CDC45: variants seen among roughly 807,000 people sequenced by gnomAD.
CDC45 encodes the protein cell division cycle 45.
A neutral mutation model predicts 77.8 loss-of-function variants in CDC45; 54 were observed. The observed-to-expected ratio is 0.69, with a 90% CI of 0.56 to 0.87. CDC45 has a LOEUF of 0.87. CDC45 is among the 40% of genes least tolerant of loss of function. The probability of loss-of-function intolerance (pLI) is 0.00; values close to 1 mark genes in which losing one functional copy is unlikely to be tolerated. For missense variants in CDC45, 649 were observed against 721.6 expected (o/e 0.90, Z 1.15); for synonymous variants, 260 against 272.1 (o/e 0.96, Z 0.44).
At position 19,482,688 on chromosome 22, in the gene CDC45, A is replaced by C; in HGVS notation, c.205-2A>C. The stretch of plus-strand genomic sequence containing the variant: ...ACTTTACAATATCTTCCTTTTTTTC[A>C]GTTTCATTATTTTATTCTCATAAAC... On this transcript the variant is annotated splice_acceptor_variant, in intron 3 of 18. Transcript: ENST00000263201. LOFTEE classifies it high-confidence loss of function. The C allele has an allele frequency of 6.2e-7, 1 of 1,609,466 alleles. No individual in the cohort carries two copies. Among genetic ancestry groups the C allele is most frequent in the Non-Finnish European group, 8.5e-7 (1 of 1,177,972 alleles).
rs779041519 is a variant in CDC45, at chr22:19,516,784, G to A, written c.1560-33G>A. 2.7e-5 allele frequency: 43 copies of A among 1,600,202 alleles called. 1 individual carries two copies. In the Admixed American group the frequency reaches 3.5e-4, roughly 13 times the overall value. On this transcript the variant is annotated intron_variant, in intron 16 of 18. Coordinates refer to ENST00000263201, the MANE Select transcript of CDC45 (RefSeq NM_003504.5). ...GGGTGGGAAGGGTCCATTGCAGGCC[G>A]CCTGGCCCCCGACATGTCTTGTGTG...
At chr22:19,497,365 G>A in intron 7 of CDC45, 21 bp from the exon 8 acceptor site, 1 of 1,613,422 alleles carries the variant, frequency 6.2e-7, no homozygotes, top group Non-Finnish European at 8.5e-7. Context: ...ATGAGCCTTA[G>A]ACTTCTCTGC....
chr22:19,508,258 A>C (rs1933316376), intron 12 of CDC45, among the ~76,000 whole-genome samples: 1 of 151,856 alleles, frequency 6.6e-6, no homozygotes. Context: ...GGCTTCTCCC[A>C]CCCCAGCCAG....
At chr22:19,515,099 G>A in intron 15 of CDC45, 51 bp downstream of exon 15, 1 of 1,510,980 alleles carries the variant, frequency 6.6e-7, no homozygotes, top group South Asian at 1.3e-5. Context: ...TGCTTGGAGA[G>A]CTCCCTGGAT....
chr22:19,516,482 T>G lies in CDC45; in HGVS notation c.1441-45T>G, dbSNP rs554825977. 6 of 1,492,614 alleles carry G rather than the reference T, an allele frequency of 4.0e-6. No individual in the cohort carries two copies. In the Admixed American group the frequency reaches 5.0e-5, roughly 12 times the overall value. 92.5% of individuals were successfully genotyped at this position (1,492,614 alleles called of 1,614,324 possible). ...GGGCTCTGGGCTCTGAGTGTTGAGCTGGGGCCCACCATACCCTGACGGAGG... is the reference window on the plus strand; with the variant it reads ...GGGCTCTGGGCTCTGAGTGTTGAGCGGGGGCCCACCATACCCTGACGGAGG... On this transcript the variant is annotated intron_variant, in intron 15 of 18. Coordinates refer to ENST00000263201, the MANE Select transcript of CDC45 (RefSeq NM_003504.5).
intron 15 of CDC45, 40 bp from the exon 16 acceptor site, chr22:19,516,486 GC>G (rs780161502): frequency 1.5e-4 from 227 of 1,515,038 alleles, no homozygotes; most frequent in Admixed American, 3.5e-4. Flanking sequence ...TTGAGCTGGG[GC>G]CCACCATACC....
chr22:19,519,639 ACT>A (rs1354340502), intron 18 of CDC45, among the ~76,000 whole-genome samples: 3 of 152,100 alleles, frequency 2.0e-5, no homozygotes, highest in African/African-American at 7.2e-5. Flanking sequence ...CCCTGCCAAG[ACT>A]CTGTTGCAGG....
chr22:19,484,031 C>G (rs1245148622), intron 5 of CDC45, 26 bp downstream of exon 5: 2 of 1,573,786 alleles, frequency 1.3e-6, no homozygotes, highest in Non-Finnish European at 1.7e-6. Flanking sequence ...TCACAGCTAT[C>G]CCAGAGGAAC....
At chr22:19,504,763 G>A (rs774358761) in intron 9 of CDC45, among the ~76,000 whole-genome samples, 2 of 152,162 alleles carry the variant, frequency 1.3e-5, no homozygotes, top group Non-Finnish European at 2.9e-5. Context: ...AGCTCCATCA[G>A]TATACAGGAC....
At chr22:19,499,045 G>C in intron 8 of CDC45, 56 bp from the exon 9 acceptor site, 2 of 1,562,450 alleles carry the variant, frequency 1.3e-6, no homozygotes, top group East Asian at 4.5e-5. Flanking sequence ...CATCCCCCAG[G>C]CCTCATTGAG....
chr22:19,487,975 CA>C (rs1353246366), intron 5 of CDC45, among the ~76,000 whole-genome samples: 2 of 148,894 alleles, frequency 1.3e-5, no homozygotes, highest in Non-Finnish European at 3.0e-5. Context: ...GGTCGAGAAT[CA>C]TTTTTACTTG....
chr22:19,495,711 A>C (rs1439255066), intron 6 of CDC45, among the ~76,000 whole-genome samples: 1 of 152,162 alleles, frequency 6.6e-6, no homozygotes, highest in Admixed American at 6.5e-5. Context: ...AGCCCCATCT[A>C]CTTAGGAGGC....
chr22:19,481,463 G>A (rs889659066), intron 3 of CDC45, among the ~76,000 whole-genome samples: 11 of 151,694 alleles, frequency 7.3e-5, no homozygotes, highest in African/African-American at 2.7e-4. Flanking sequence ...ACTGCAAGCT[G>A]TGTCTCCTGG....
intron 13 of CDC45, among the ~76,000 whole-genome samples, 172 bp downstream of exon 13, chr22:19,508,863 C>T (rs1382552254): frequency 6.6e-6 from 1 of 152,140 alleles, no homozygotes; most frequent in Non-Finnish European, 1.5e-5. Context: ...ACATTACCTG[C>T]CCCTCTTCAG....
At chr22:19,514,638 A>AC in intron 13 of CDC45, 111 bp from the exon 14 acceptor site, 1 of 831,414 alleles carries the variant, frequency 1.2e-6, no homozygotes, top group Non-Finnish European at 1.9e-6. Context: ...ATAAATTCTT[A>AC]CCCCCAAACC....
At position 19,518,867 on chromosome 22, in the gene CDC45, C is replaced by G; in HGVS notation, c.1660C>G (p.Arg554Gly). ...AGTAATTGAGCTGAAAGCTGAGGAT[C>G]GGAGCAAGTTTCTGGACGCACTTAT... The part of the protein sequence containing the change: ...LSVIELKAED[R>G]SKFLDALISL... The change falls in exon 18 of 19, where the codon CGG becomes GGG. Residue 554 changes from arginine (R) to glycine (G), a missense_variant. Arg to Gly is a moderately radical substitution (Grantham distance 125). Coordinates refer to ENST00000263201, the MANE Select transcript of CDC45 (RefSeq NM_003504.5). The G allele has an allele frequency of 1.2e-6, 2 of 1,614,052 alleles. No homozygotes were observed. Among genetic ancestry groups the G allele is most frequent in the South Asian group, 1.1e-5 (1 of 91,062 alleles).
chr22:19,518,860 T>G lies in CDC45; in HGVS notation c.1653T>G (p.Ala551=). The G allele has an allele frequency of 6.2e-7, 1 of 1,614,110 alleles. No individual in the cohort carries two copies. The highest frequency in any genetic ancestry group is 8.5e-7 in the Non-Finnish European group (1 of 1,179,970). Residue 551 remains alanine, a synonymous_variant, in exon 18 of 19, where the codon GCT becomes GCG. Transcript: ENST00000263201. ...TTACTTCAGTAATTGAGCTGAAAGC[T>G]GAGGATCGGAGCAAGTTTCTGGACG... The part of the protein sequence containing the change: ...HFDLSVIELK[A]EDRSKFLDAL...
chr22:19,499,181 T>C, intron 9 of CDC45, 30 bp downstream of exon 9: 18 of 1,611,586 alleles, frequency 1.1e-5, no homozygotes, highest in Non-Finnish European at 1.5e-5. Context: ...CCTTGCAGGG[T>C]CAGCCCTGTG....
Position 19,516,881 on chromosome 22 carries a change from T to G in CDC45, c.1624T>G (p.Phe542Val), listed in dbSNP as rs144324956. The G allele has an allele frequency of 1.2e-6, 2 of 1,613,774 alleles. No homozygotes were observed. The highest frequency in any genetic ancestry group is 2.7e-5 in the African/African-American group (2 of 74,918). Residue 542 changes from phenylalanine (F) to valine (V), a missense_variant, in exon 17 of 19, where the codon TTT (phenylalanine) becomes GTT (valine). Phe to Val is a conservative substitution (Grantham distance 50, BLOSUM62 -1). Transcript: ENST00000263201. ...STSSRMLHNH[F>V]DLSVIELKAE... ...CAGCTCCCGGATGCTGCACAACCAT[T>G]TTGACCTCTCAGGTGAGAGTCTCCT...
Sources: gnomAD v4.1 joint callset for allele counts (sites outside exome capture counted in the v4.1 genomes callset) on GRCh38, gnomAD v4.1.1 for gene constraint, MANE v1.5 for transcripts, NCBI Gene and HGNC (gene_info 2026-07-23, HGNC 2026-07-21) for gene names.